Variants in FOXN3 observed in about 807,000 individuals in gnomAD.
The protein encoded by FOXN3 is forkhead box N3, also known as forkhead box protein N3.
FOXN3 carries 7 observed loss-of-function variants against 38.4 expected under a neutral mutation model. The observed-to-expected ratio is 0.18, with a 90% CI of 0.10 to 0.34. The LOEUF (loss-of-function observed/expected upper bound fraction) is 0.34, where lower values mean the gene tolerates loss of function less well. Ranked by LOEUF, FOXN3 falls within the 10% of genes least tolerant of loss-of-function variation. FOXN3 has a pLI of 1.00. For missense variants in FOXN3, 456 were observed against 613.4 expected (o/e 0.74, Z 2.71); for synonymous variants, 230 against 242.2 (o/e 0.95, Z 0.47).
chr14:89,457,728 T>C (rs571120688), intron 1 of FOXN3, among the ~76,000 whole-genome samples: 4 of 152,222 alleles, frequency 2.6e-5, no homozygotes, highest in Non-Finnish European at 2.9e-5. Context: ...GAAGTGAGCA[T>C]GGAGCCGGGC....
At chr14:89,235,165 G>A (rs1884943467) in intron 4 of FOXN3, among the ~76,000 whole-genome samples, 1 of 152,226 alleles carries the variant, frequency 6.6e-6, no homozygotes, top group Non-Finnish European at 1.5e-5. Flanking sequence ...CCTGCAGGAA[G>A]AGAAGAACAG....
chr14:89,227,857 C>T (rs963541369), intron 4 of FOXN3, among the ~76,000 whole-genome samples: 1 of 152,224 alleles, frequency 6.6e-6, no homozygotes, highest in African/African-American at 2.4e-5. Context: ...AACAAGGGAC[C>T]TCGGTCCTAA....
chr14:89,511,236 C>CTTTT lies in FOXN3; in HGVS notation c.-14-98747_-14-98746insAAAA, dbSNP rs1491163299. 8.7e-4 allele frequency among the ~76,000 whole-genome samples: 9 copies of CTTTT among 10,404 alleles called. 1 individual carries two copies. The highest frequency in any genetic ancestry group is 2.2e-3 in the Admixed American group (1 of 450). 6.8% of individuals were successfully genotyped at this position (10,404 alleles called of 152,430 possible). A position where few individuals can be genotyped will look rare whatever the true frequency, so the allele number is the denominator to read the frequency against. ...CTTTCTTTCTTTCTTTCTTTTCTTT[C>CTTTT]CTTTTCTTTCTTTTCTTTCTTTCTT... On this transcript the variant is annotated intron_variant, in intron 1 of 6. Transcript: ENST00000345097.
intron 1 of FOXN3, among the ~76,000 whole-genome samples, chr14:89,527,858 C>A (rs1054354390): frequency 6.6e-6 from 1 of 152,044 alleles, no homozygotes; most frequent in Non-Finnish European, 1.5e-5. Context: ...TGCGCCACCA[C>A]ATCTGGCTAA....
intron 4 of FOXN3, among the ~76,000 whole-genome samples, chr14:89,221,812 C>T (rs1002539979): frequency 3.3e-5 from 5 of 151,808 alleles, no homozygotes; most frequent in Non-Finnish European, 5.9e-5. Context: ...CACCAACTTC[C>T]CTGTCTATAT....
At chr14:89,255,859 G>A (rs185983404) in intron 4 of FOXN3, among the ~76,000 whole-genome samples, 42 of 152,254 alleles carry the variant, frequency 2.8e-4, no homozygotes, top group Admixed American at 1.6e-3. Flanking sequence ...TAAGAAGCAG[G>A]AGTGCCACTC....
chr14:89,609,677 C>T (rs577606635), intron 1 of FOXN3, among the ~76,000 whole-genome samples: 16 of 151,884 alleles, frequency 1.1e-4, no homozygotes, highest in Non-Finnish European at 1.5e-4. Context: ...TGTTAAGTGG[C>T]AGGGAGGGGG....
chr14:89,377,248 CTAAAGAGAT>C (rs1439597049), intron 2 of FOXN3, among the ~76,000 whole-genome samples: 1 of 151,362 alleles, frequency 6.6e-6, no homozygotes, highest in Non-Finnish European at 1.5e-5. Flanking sequence ...TCATTCCAGA[CTAAAGAGAT>C]TAAAGAGATA....
chr14:89,522,471 T>A (rs1894342597), intron 1 of FOXN3, among the ~76,000 whole-genome samples: 1 of 152,180 alleles, frequency 6.6e-6, no homozygotes, highest in South Asian at 2.1e-4. Context: ...ATAAAATAAC[T>A]TTCTTTCTTA....
intron 1 of FOXN3, among the ~76,000 whole-genome samples, chr14:89,469,610 G>A (rs767743117): frequency 3.9e-4 from 59 of 152,338 alleles, no homozygotes; most frequent in Non-Finnish European, 3.7e-4. Flanking sequence ...GGGAAAGAAA[G>A]CTCCTTGGAG....
At chr14:89,474,908 T>C (rs765048670) in intron 1 of FOXN3, among the ~76,000 whole-genome samples, 5 of 152,168 alleles carry the variant, frequency 3.3e-5, no homozygotes, top group Admixed American at 1.3e-4. Flanking sequence ...CTCCGCCTCC[T>C]GGGTTGAGGC....
At chr14:89,242,091 G>GGAT (rs1885156712) in intron 4 of FOXN3, among the ~76,000 whole-genome samples, 1 of 152,198 alleles carries the variant, frequency 6.6e-6, no homozygotes, top group Admixed American at 6.5e-5. Context: ...CTTCCATGGA[G>GGAT]GATATTTGGC....
At chr14:89,320,266 T>C (rs999729636) in intron 3 of FOXN3, among the ~76,000 whole-genome samples, 1 of 152,244 alleles carries the variant, frequency 6.6e-6, no homozygotes, top group African/African-American at 2.4e-5. Context: ...CAAAATTCAG[T>C]GTCCTCCAAC....
At chr14:89,459,809 G>A (rs1892802174) in intron 1 of FOXN3, among the ~76,000 whole-genome samples, 1 of 152,166 alleles carries the variant, frequency 6.6e-6, no homozygotes, top group South Asian at 2.1e-4. Flanking sequence ...TGCCTGGATA[G>A]TACAGAATCC....
intron 1 of FOXN3, among the ~76,000 whole-genome samples, chr14:89,446,378 G>A (rs1005987724): frequency 1.3e-5 from 2 of 151,540 alleles, no homozygotes; most frequent in Admixed American, 6.6e-5. Context: ...TGGTAGAGAC[G>A]GGGTTTCACC....
At chr14:89,255,955 A>T (rs932858684) in intron 4 of FOXN3, among the ~76,000 whole-genome samples, 2 of 152,142 alleles carry the variant, frequency 1.3e-5, no homozygotes, top group African/African-American at 4.8e-5. Context: ...CAAGGCACCT[A>T]AGGAACAAGA....
At chr14:89,614,522 C>A (rs1398714745) in intron 1 of FOXN3, among the ~76,000 whole-genome samples, 1 of 152,182 alleles carries the variant, frequency 6.6e-6, no homozygotes, top group Non-Finnish European at 1.5e-5. Flanking sequence ...TCACTATGAG[C>A]ACAAGCAGCC....
At chr14:89,253,081 C>T (rs1286373220) in intron 4 of FOXN3, among the ~76,000 whole-genome samples, 1 of 152,174 alleles carries the variant, frequency 6.6e-6, no homozygotes, top group Non-Finnish European at 1.5e-5. Flanking sequence ...AGAATGCTGC[C>T]TCATGATGGT....
intron 4 of FOXN3, among the ~76,000 whole-genome samples, chr14:89,215,083 T>C (rs1884227248): frequency 6.6e-6 from 1 of 152,202 alleles, no homozygotes; most frequent in African/African-American, 2.4e-5. Context: ...GGTTGGTTTA[T>C]TACATAATTA....
Sources: allele counts gnomAD v4.1 joint callset (sites outside exome capture counted in the v4.1 genomes callset), GRCh38; gene constraint gnomAD v4.1.1; transcripts MANE v1.5; gene names NCBI Gene and HGNC (gene_info 2026-07-23, HGNC 2026-07-21).